PPP2R2B: variants seen among roughly 807,000 people sequenced by gnomAD.
The protein encoded by PPP2R2B is serine/threonine-protein phosphatase 2A 55 kDa regulatory subunit B beta isoform.
In PPP2R2B, 5 loss-of-function variants were observed where a neutral mutation model predicts 46.0. The ratio of observed to expected loss-of-function variants is 0.11; its 90% CI spans 0.06 to 0.23. The LOEUF (loss-of-function observed/expected upper bound fraction) is 0.23, where lower values mean the gene tolerates loss of function less well. PPP2R2B is among the 10% of genes least tolerant of loss of function. The pLI is 1.00. For synonymous variants in PPP2R2B, 215 were observed against 206.7 expected (o/e 1.04, Z -0.34); for missense variants, 367 against 575.0 (o/e 0.64, Z 3.70).
chr5:146,609,735 C>CG (rs1442290512), intron 7 of PPP2R2B, among the ~76,000 whole-genome samples: 3 of 143,066 alleles, frequency 2.1e-5, no homozygotes, highest in African/African-American at 8.1e-5. Flanking sequence ...GGGTGACGGA[C>CG]GCACCTGGAA....
chr5:146,635,250 A>G (rs1358693658), intron 7 of PPP2R2B, among the ~76,000 whole-genome samples: 2 of 151,240 alleles, frequency 1.3e-5, no homozygotes, highest in Non-Finnish European at 2.9e-5. Flanking sequence ...ATTCCAAAGC[A>G]TCTGCTCTAA....
intron 2 of PPP2R2B, among the ~76,000 whole-genome samples, chr5:147,071,378 G>C (rs1757591682): frequency 2.6e-5 from 4 of 152,178 alleles, no homozygotes; most frequent in Admixed American, 2.0e-4. Context: ...GCTAGAAAGA[G>C]CGTTTTTCAA....
intron 6 of PPP2R2B, among the ~76,000 whole-genome samples, chr5:146,649,699 C>T (rs1775825700): frequency 6.6e-6 from 1 of 152,154 alleles, no homozygotes. Context: ...ATCCACCTAC[C>T]TAGGCCTCCC....
intron 7 of PPP2R2B, among the ~76,000 whole-genome samples, chr5:146,622,023 GAA>G (rs1773738290): frequency 6.6e-6 from 1 of 152,168 alleles, no homozygotes; most frequent in African/African-American, 2.4e-5. Context: ...GACTCTACCA[GAA>G]AAATACTTGT....
chr5:147,080,083 A>G (rs572819135), intron 2 of PPP2R2B, among the ~76,000 whole-genome samples: 2 of 152,310 alleles, frequency 1.3e-5, no homozygotes, highest in East Asian at 3.9e-4. Flanking sequence ...GATTCTCTAC[A>G]AAGGAATTAT....
chr5:146,889,954 G>A (rs941721674), intron 1 of PPP2R2B, among the ~76,000 whole-genome samples: 6 of 152,160 alleles, frequency 3.9e-5, no homozygotes, highest in African/African-American at 1.4e-4. Flanking sequence ...GAAAAGATGC[G>A]ACTTGCCCAG....
rs141896573 is a variant in PPP2R2B at position 146,744,503 on chromosome 5, A to G, written c.71-43361T>C. The stretch of plus-strand genomic sequence containing the variant: ...CTGAAGAGAGCTTTCAGAATGAACA[A>G]TGGGTGGAAAACACTGCCCTTCCAG... On this transcript the variant is annotated intron_variant, in intron 2 of 9. Transcript: ENST00000394411. Among the ~76,000 whole-genome samples, 1,330 of 152,318 alleles carry G rather than the reference A, an allele frequency of 8.7e-3. 14 individuals carry two copies. Among genetic ancestry groups the G allele is most frequent in the South Asian group, 0.024 (116 of 4,828 alleles).
intron 1 of PPP2R2B, among the ~76,000 whole-genome samples, chr5:146,894,841 T>C (rs1348108838): frequency 2.0e-5 from 3 of 152,180 alleles, no homozygotes; most frequent in South Asian, 2.1e-4. Context: ...AGGTCAAGGA[T>C]AGTGCTCTTC....
rs1239961274 is a variant in PPP2R2B, at chr5:146,903,136, TG to T, written c.79+152528del. Reference sequence around the variant, plus strand: ...ATAATGTAATGCTACTCTTCTATTTTGGGGGATATATATAGTAATTTTTCAT... The same window carrying T: ...ATAATGTAATGCTACTCTTCTATTTTGGGGATATATATAGTAATTTTTCAT... On this transcript the variant is annotated intron_variant, in intron 1 of 8. Transcript: ENST00000336640. Among the ~76,000 whole-genome samples, 5 of 152,268 alleles carry T rather than the reference TG, an allele frequency of 3.3e-5. No individual in the cohort carries two copies. The South Asian group carries it at 1.0e-3, about 32-fold the overall frequency.
At chr5:146,726,809 C>T (rs1285876871) in intron 2 of PPP2R2B, among the ~76,000 whole-genome samples, 1 of 152,118 alleles carries the variant, frequency 6.6e-6, no homozygotes, top group Non-Finnish European at 1.5e-5. Flanking sequence ...CGCTTATGTT[C>T]ATAAATGCTC....
intron 2 of PPP2R2B, among the ~76,000 whole-genome samples, chr5:146,758,500 G>A (rs1328622757): frequency 6.6e-6 from 1 of 152,050 alleles, no homozygotes; most frequent in Non-Finnish European, 1.5e-5. Flanking sequence ...AACAGCAAAT[G>A]TTTACATGAC....
rs141030236 is a variant in PPP2R2B, at chr5:146,670,839, T to C, written c.448-20115A>G. Reference sequence around the variant, plus strand: ...ACTGATTTGCTTTTAGTTAACTAACTTTATTTTGATAGGGAACTTTACACT... The same window carrying C: ...ACTGATTTGCTTTTAGTTAACTAACCTTATTTTGATAGGGAACTTTACACT... On this transcript the variant is annotated intron_variant, in intron 5 of 9. Coordinates refer to ENST00000394411, the MANE Select transcript of PPP2R2B (RefSeq NM_181675.4). 2.0e-5 allele frequency among the ~76,000 whole-genome samples: 3 copies of C among 152,286 alleles called. No homozygotes were observed. The East Asian group carries it at 5.8e-4, about 29-fold the overall frequency.
intron 1 of PPP2R2B, among the ~76,000 whole-genome samples, chr5:146,924,549 G>C (rs948512179): frequency 6.6e-6 from 1 of 152,128 alleles, no homozygotes; most frequent in Non-Finnish European, 1.5e-5. Flanking sequence ...GAGAAAATGG[G>C]ATACAGTAGC....
chr5:146,692,247 T>C (rs1390600055), intron 4 of PPP2R2B, among the ~76,000 whole-genome samples: 2 of 152,202 alleles, frequency 1.3e-5, no homozygotes, highest in African/African-American at 2.4e-5. Context: ...GGAAATAAAA[T>C]GGTAAGGAGA....
intron 1 of PPP2R2B, among the ~76,000 whole-genome samples, chr5:147,052,004 C>T (rs1411958746): frequency 6.6e-6 from 1 of 151,954 alleles, no homozygotes; most frequent in African/African-American, 2.4e-5. Flanking sequence ...GAATCCTCCC[C>T]TACCAAGGGG....
upstream of PPP2R2B, among the ~76,000 whole-genome samples, chr5:146,881,403 CT>C (rs745513540): frequency 1.3e-5 from 2 of 150,790 alleles, no homozygotes; most frequent in Non-Finnish European, 3.0e-5. Context: ...TTTTTATTTT[CT>C]TTTTTTATTT....
chr5:146,594,514 A>G (rs1045937048), intron 8 of PPP2R2B, among the ~76,000 whole-genome samples: 3 of 152,220 alleles, frequency 2.0e-5, no homozygotes, highest in Non-Finnish European at 2.9e-5. Context: ...GGCATACCCA[A>G]TATGCTGGCT....
chr5:146,869,854 C>T (rs1413703769), intron 2 of PPP2R2B, among the ~76,000 whole-genome samples: 3 of 152,194 alleles, frequency 2.0e-5, no homozygotes, highest in African/African-American at 7.2e-5. Context: ...TTGAGTGTCT[C>T]TAGCCCTAAC....
intron 2 of PPP2R2B, among the ~76,000 whole-genome samples, chr5:147,073,145 T>A (rs908048100): frequency 1.3e-5 from 2 of 152,180 alleles, no homozygotes; most frequent in African/African-American, 4.8e-5. Context: ...TCCATAAATA[T>A]TTGTTAATTA....
Sources: gnomAD v4.1 joint callset for allele counts (sites outside exome capture counted in the v4.1 genomes callset) on GRCh38, gnomAD v4.1.1 for gene constraint, MANE v1.5 for transcripts, NCBI Gene and HGNC (gene_info 2026-07-23, HGNC 2026-07-21) for gene names.